NELL1: variants seen among roughly 807,000 people sequenced by gnomAD.
NELL1 encodes protein kinase C-binding protein NELL1.
In NELL1, 76 loss-of-function variants were observed where a neutral mutation model predicts 107.4. That is an observed-to-expected ratio of 0.71 (90% CI 0.59 to 0.86). The LOEUF (loss-of-function observed/expected upper bound fraction) is 0.86. Among genes scored for constraint, NELL1 ranks in the 40% least tolerant of loss-of-function variants. The pLI, the probability that NELL1 is intolerant of heterozygous loss-of-function variation, is 0.00. For synonymous variants in NELL1, 353 were observed against 341.2 expected (o/e 1.03, Z -0.38); for missense variants, 1,024 against 1,005.5 (o/e 1.02, Z -0.25).
rs72951481 is a variant in NELL1 at position 21,298,662 on chromosome 11, G to T, written c.1549+69208G>T. On this transcript the variant is annotated intron_variant, in intron 14 of 19. Transcript: ENST00000357134. ...ACCAATAGGCCAGTTTCTGCCCAGG[G>T]TCTATGGTAATTCCCATTACCACTT... 8.1e-3 allele frequency among the ~76,000 whole-genome samples: 1,227 copies of T among 152,020 alleles called. 10 individuals carry two copies. The highest frequency in any genetic ancestry group is 0.011 in the Non-Finnish European group (735 of 67,916).
intron 15 of NELL1, among the ~76,000 whole-genome samples, chr11:21,529,553 TTTG>T (rs913728001): frequency 6.8e-6 from 1 of 147,410 alleles, no homozygotes; most frequent in African/African-American, 2.5e-5. Flanking sequence ...TGTGAAGTTT[TTTG>T]GTGACCAAGA....
At chr11:21,397,328 C>A (rs4244549) in intron 15 of NELL1, among the ~76,000 whole-genome samples, 3 of 151,340 alleles carry the variant, frequency 2.0e-5, no homozygotes, top group Admixed American at 1.3e-4. Context: ...CCTCTTAAAG[C>A]TTCCATTGAT....
chr11:21,541,448 T>TACCA (rs1856290476), intron 16 of NELL1, among the ~76,000 whole-genome samples: 1 of 152,118 alleles, frequency 6.6e-6, no homozygotes, highest in Non-Finnish European at 1.5e-5. Context: ...ATCTGGTGGA[T>TACCA]GTGTCAGGAA....
intron 14 of NELL1, among the ~76,000 whole-genome samples, chr11:21,293,064 C>A (rs114825542): frequency 0.03 from 4,509 of 151,950 alleles, 235 homozygotes; most frequent in African/African-American, 0.1. Flanking sequence ...AACAAAAGCC[C>A]AAATAGACAA....
intron 12 of NELL1, among the ~76,000 whole-genome samples, chr11:21,014,260 G>A (rs1235947769): frequency 6.6e-6 from 1 of 152,048 alleles, no homozygotes; most frequent in Non-Finnish European, 1.5e-5. Flanking sequence ...TTGGCAGATT[G>A]CATCAAGCCA....
intron 2 of NELL1, among the ~76,000 whole-genome samples, chr11:20,727,835 AC>A (rs1855543531): frequency 6.6e-6 from 1 of 151,996 alleles, no homozygotes; most frequent in Non-Finnish European, 1.5e-5. Flanking sequence ...TTTTCCCGGA[AC>A]CTCAAATGGT....
intron 12 of NELL1, among the ~76,000 whole-genome samples, chr11:21,107,185 C>T (rs764534447): frequency 6.6e-6 from 1 of 152,088 alleles, no homozygotes; most frequent in African/African-American, 2.4e-5. Context: ...TTAGGGTTCA[C>T]TCGTGGTGTT....
At chr11:21,495,968 TC>T (rs1203081507) in intron 15 of NELL1, among the ~76,000 whole-genome samples, 1 of 152,062 alleles carries the variant, frequency 6.6e-6, no homozygotes, top group Non-Finnish European at 1.5e-5. Flanking sequence ...ACCAAGTGGG[TC>T]CACTTTAAAA....
In NELL1 at chr11:21,575,306, A is replaced by G. The variant is rs1857195292; in HGVS notation, c.*284A>G. The G allele has an allele frequency of 3.1e-6, 1 of 325,924 alleles. No homozygotes were observed. The highest frequency in any genetic ancestry group is 6.8e-5 in the South Asian group (1 of 14,782). 20.2% of individuals were successfully genotyped at this position (325,924 alleles called of 1,614,324 possible). ...TAAATCATGTTTCCCTTATCAGATC[A>G]TTTGCAAATACATTTAAATGATCTC... On this transcript the variant is annotated 3_prime_UTR_variant, in exon 20 of 20. Transcript: ENST00000357134.
At chr11:21,255,649 C>A (rs559286377) in intron 14 of NELL1, among the ~76,000 whole-genome samples, 5 of 152,162 alleles carry the variant, frequency 3.3e-5, no homozygotes, top group African/African-American at 9.6e-5. Context: ...CATTTCCTAA[C>A]ACAATTTAAT....
chr11:21,439,397 A>G (rs1853219444), intron 15 of NELL1, among the ~76,000 whole-genome samples: 1 of 152,150 alleles, frequency 6.6e-6, no homozygotes, highest in Non-Finnish European at 1.5e-5. Flanking sequence ...TGGGCATTAT[A>G]AAATATTTAA....
At chr11:20,908,072 G>A (rs749790307) in intron 5 of NELL1, among the ~76,000 whole-genome samples, 8 of 152,114 alleles carry the variant, frequency 5.3e-5, no homozygotes, top group Non-Finnish European at 1.0e-4. Context: ...GTGAGGCTGT[G>A]GAGAAATACG....
chr11:21,056,127 A>G (rs892794134), intron 12 of NELL1, among the ~76,000 whole-genome samples: 1 of 152,144 alleles, frequency 6.6e-6, no homozygotes, highest in African/African-American at 2.4e-5. Context: ...GAGGTCCAGT[A>G]ATTTGCCCAG....
rs566535233 is a variant in NELL1 at position 21,289,367 on chromosome 11, C to T, written c.1549+59913C>T. Among the ~76,000 whole-genome samples the T allele has an allele frequency of 1.3e-3, 191 of 152,206 alleles. 2 individuals carry two copies. The highest frequency in any genetic ancestry group is 1.3e-3 in the Non-Finnish European group (89 of 68,008). ...TGGGTGCAGCCCACGGAGGGTGAGC[C>T]AAAGCAGGGTGGGGCGGTTCCTCAC... On this transcript the variant is annotated intron_variant, in intron 14 of 19. Coordinates refer to ENST00000357134, the MANE Select transcript of NELL1 (RefSeq NM_006157.5).
At chr11:20,888,909 T>A (rs1362005830) in intron 5 of NELL1, among the ~76,000 whole-genome samples, 2 of 152,226 alleles carry the variant, frequency 1.3e-5, no homozygotes, top group Non-Finnish European at 1.5e-5. Flanking sequence ...TATTTACATG[T>A]CATCCCTGGG....
intron 12 of NELL1, among the ~76,000 whole-genome samples, chr11:21,025,360 G>A (rs1852792438): frequency 6.6e-6 from 1 of 151,834 alleles, no homozygotes; most frequent in South Asian, 2.1e-4. Context: ...GGACAGCAAG[G>A]TTAAGTAACT....
intron 15 of NELL1, among the ~76,000 whole-genome samples, chr11:21,422,888 G>A (rs1852721253): frequency 6.6e-6 from 1 of 152,114 alleles, no homozygotes; most frequent in Non-Finnish European, 1.5e-5. Flanking sequence ...AAGAGATAGA[G>A]ATGGGCAGAA....
At chr11:21,261,430 A>G (rs1848529149) in intron 14 of NELL1, among the ~76,000 whole-genome samples, 1 of 151,668 alleles carries the variant, frequency 6.6e-6, no homozygotes, top group South Asian at 2.1e-4. Flanking sequence ...TTTATTATTT[A>G]GATGGACCTA....
At chr11:21,472,424 A>G (rs1236106137) in intron 15 of NELL1, among the ~76,000 whole-genome samples, 3 of 151,986 alleles carry the variant, frequency 2.0e-5, no homozygotes, top group Non-Finnish European at 4.4e-5. Flanking sequence ...CACTAAGCAC[A>G]TTACTCATTC....
Sources: gnomAD v4.1 joint callset for allele counts (sites outside exome capture counted in the v4.1 genomes callset) on GRCh38, gnomAD v4.1.1 for gene constraint, MANE v1.5 for transcripts, NCBI Gene and HGNC (gene_info 2026-07-23, HGNC 2026-07-21) for gene names.